The following MECR variants were observed in gnomAD, a reference collection of about 807,000 sequenced individuals.
The protein encoded by MECR is mitochondrial trans-2-enoyl-CoA reductase, also known as enoyl-[acyl-carrier-protein] reductase, mitochondrial.
A neutral mutation model predicts 49.1 loss-of-function variants in MECR; 37 were observed. The observed-to-expected ratio is 0.75, with a 90% confidence interval of 0.58 to 0.99. The LOEUF (loss-of-function observed/expected upper bound fraction) is 0.99. Ranked by LOEUF, MECR falls within the 50% of genes least tolerant of loss-of-function variation. The pLI is 0.00. For missense variants in MECR, 470 were observed against 479.6 expected (o/e 0.98, Z 0.19); for synonymous variants, 198 against 191.1 (o/e 1.04, Z -0.30).
rs564639950 is a variant in MECR, at chr1:29,206,853, C to T, written c.459G>A (p.Pro153=). The T allele has an allele frequency of 5.1e-5, 82 of 1,614,168 alleles. 1 individual carries two copies. In the Admixed American group the frequency reaches 6.7e-4, roughly 13 times the overall value. ...VFSEEALIQV[P]SDIPLQSAAT... ...CAGCGCTCTGAAGAGGGATGTCACT[C>T]GGAACTTGGATCAGTGCTTCCTCGC... Residue 153 remains proline, a synonymous_variant, in exon 4 of 10, where the codon CCG becomes CCA. Transcript: ENST00000263702.
At chr1:29,187,634 C>G in the MECR span, among the ~76,000 whole-genome samples, 1 of 151,726 alleles carries the variant, frequency 6.6e-6, no homozygotes, top group African/African-American at 2.4e-5. Flanking sequence ...GAGTCTCACT[C>G]TGTCACCCAG....
At chr1:29,174,303 T>G in the MECR span, among the ~76,000 whole-genome samples, 13 of 152,134 alleles carry the variant, frequency 8.5e-5, no homozygotes, top group Non-Finnish European at 1.8e-4. Context: ...AGCATTAAAA[T>G]GTGTATATGC....
chr1:29,228,447 G>A (rs572704229), intron 1 of MECR, among the ~76,000 whole-genome samples: 45 of 150,476 alleles, frequency 3.0e-4, no homozygotes, highest in Non-Finnish European at 4.0e-4. Flanking sequence ...CTGCCTCCCA[G>A]TTCAGGCAAT....
At chr1:29,197,212 G>A (rs947229946) in intron 7 of MECR, among the ~76,000 whole-genome samples, 1 of 152,194 alleles carries the variant, frequency 6.6e-6, no homozygotes, top group African/African-American at 2.4e-5. Flanking sequence ...AGATGAGCTC[G>A]AGGCCTGAGT....
At chr1:29,175,828 T>C in the MECR span, among the ~76,000 whole-genome samples, 1 of 152,164 alleles carries the variant, frequency 6.6e-6, no homozygotes, top group African/African-American at 2.4e-5. Flanking sequence ...AAAACTTGTT[T>C]TAACCTCTTC....
the MECR span, among the ~76,000 whole-genome samples, chr1:29,176,012 G>GGAGGCC: frequency 6.6e-6 from 1 of 152,090 alleles, no homozygotes; most frequent in Non-Finnish European, 1.5e-5. Flanking sequence ...CAGCACTTTG[G>GGAGGCC]GAGGCCGAGG....
At chr1:29,206,072 A>C (rs932771908) in intron 4 of MECR, among the ~76,000 whole-genome samples, 3 of 152,198 alleles carry the variant, frequency 2.0e-5, no homozygotes, top group Non-Finnish European at 4.4e-5. Flanking sequence ...CATTTATGAA[A>C]GGGAAGAAGA....
intron 3 of MECR, 49 bp from the exon 4 acceptor site, chr1:29,206,954 AT>A: frequency 6.2e-7 from 1 of 1,603,938 alleles, no homozygotes; most frequent in Admixed American, 1.7e-5. Flanking sequence ...CCCTGTGCAC[AT>A]TCAACCCCAG....
At chr1:29,180,019 A>G in the MECR span, among the ~76,000 whole-genome samples, 2 of 152,220 alleles carry the variant, frequency 1.3e-5, no homozygotes, top group Non-Finnish European at 2.9e-5. Context: ...ACAAGCAAAG[A>G]TGTTTCCTCA....
At chr1:29,209,182 C>T (rs560882130) in intron 3 of MECR, among the ~76,000 whole-genome samples, 4 of 152,074 alleles carry the variant, frequency 2.6e-5, no homozygotes, top group Admixed American at 2.6e-4. Flanking sequence ...CATGAATGTA[C>T]GTGTAACACA....
intron 7 of MECR, among the ~76,000 whole-genome samples, chr1:29,199,319 C>T (rs988205041): frequency 3.9e-4 from 59 of 152,140 alleles, no homozygotes; most frequent in African/African-American, 1.3e-3. Context: ...GCTCTGCCTC[C>T]GGGGTTCACG....
downstream of MECR, among the ~76,000 whole-genome samples, chr1:29,189,668 G>A (rs1673086032): frequency 6.6e-6 from 1 of 152,134 alleles, no homozygotes; most frequent in Non-Finnish European, 1.5e-5. Context: ...GGAAGGGGGC[G>A]GGGTGGGCTT....
At chr1:29,178,161 A>G in the MECR span, among the ~76,000 whole-genome samples, 1 of 152,012 alleles carries the variant, frequency 6.6e-6, no homozygotes, top group Admixed American at 6.6e-5. Flanking sequence ...CGGCCTCCCA[A>G]GGTGATGGGA....
the MECR span, among the ~76,000 whole-genome samples, chr1:29,175,014 G>C: frequency 2.0e-5 from 3 of 150,242 alleles, no homozygotes; most frequent in African/African-American, 7.4e-5. Flanking sequence ...AAAGAAGAGA[G>C]ACAGAGTGCG....
At chr1:29,176,489 TAAAAAAAAA>T in the MECR span, among the ~76,000 whole-genome samples, 1 of 137,562 alleles carries the variant, frequency 7.3e-6, no homozygotes, top group Non-Finnish European at 1.6e-5. Flanking sequence ...CTAAAAACTT[TAAAAAAAAA>T]AAAAAGAAAA....
chr1:29,224,273 AC>A (rs1681506771), intron 1 of MECR: 1 of 152,136 alleles, frequency 6.6e-6, no homozygotes, highest in South Asian at 2.1e-4. Flanking sequence ...AGGTAAAAAC[AC>A]AACCATGCAG....
At chr1:29,194,586 G>A (rs1673517795) in intron 9 of MECR, among the ~76,000 whole-genome samples, 1 of 152,146 alleles carries the variant, frequency 6.6e-6, no homozygotes, top group Non-Finnish European at 1.5e-5. Flanking sequence ...CAAGTGATGT[G>A]GAACAGTTGA....
At chr1:29,213,672 G>C (rs1444007218) in intron 3 of MECR, among the ~76,000 whole-genome samples, 1 of 152,246 alleles carries the variant, frequency 6.6e-6, no homozygotes, top group Non-Finnish European at 1.5e-5. Context: ...TGAACCTCAG[G>C]CTGCTGGTGG....
chr1:29,228,067 G>C (rs1466701), intron 1 of MECR, among the ~76,000 whole-genome samples: 103,888 of 151,780 alleles, frequency 0.68, 37,103 homozygotes, highest in Non-Finnish European at 0.8. Context: ...GAATACATAC[G>C]GTAGTTTCTA....
Sources: gnomAD v4.1 joint callset for allele counts (sites outside exome capture counted in the v4.1 genomes callset) on GRCh38, gnomAD v4.1.1 for gene constraint, MANE v1.5 for transcripts, NCBI Gene and HGNC (gene_info 2026-07-23, HGNC 2026-07-21) for gene names.